RPH3AL: variants seen among roughly 807,000 people sequenced by gnomAD.
RPH3AL encodes rabphilin 3A like (without C2 domains), also known as rab effector Noc2.
In RPH3AL, 38 loss-of-function variants were observed where a neutral mutation model predicts 43.1. That is an observed-to-expected ratio of 0.88 (90% CI 0.68 to 1.15). The LOEUF (loss-of-function observed/expected upper bound fraction) is 1.15. RPH3AL is among the 50% of genes most tolerant of loss of function. RPH3AL has a pLI of 0.00. For missense variants in RPH3AL, 462 were observed against 423.2 expected (o/e 1.09, Z -0.81); for synonymous variants, 189 against 176.3 (o/e 1.07, Z -0.57).
intron 1 of RPH3AL, among the ~76,000 whole-genome samples, chr17:343,710 G>A (rs182825179): frequency 8.5e-5 from 13 of 152,256 alleles, no homozygotes; most frequent in South Asian, 2.1e-4. Context: ...ACATAGTTGC[G>A]GGTGCTATTG....
At chr17:221,935 GCACA>G (rs2040996760) in intron 7 of RPH3AL, among the ~76,000 whole-genome samples, 1 of 111,288 alleles carries the variant, frequency 9.0e-6, no homozygotes, top group African/African-American at 3.6e-5. Flanking sequence ...GTAGACCCAA[GCACA>G]TCAGCTCTGA....
chr17:272,825 T>G (rs1489355664), intron 6 of RPH3AL, among the ~76,000 whole-genome samples: 1 of 150,880 alleles, frequency 6.6e-6, no homozygotes. Context: ...GTGAAGCCAC[T>G]TTTCTTTTTT....
At chr17:238,031 T>C (rs2041441668) in intron 7 of RPH3AL, among the ~76,000 whole-genome samples, 1 of 151,926 alleles carries the variant, frequency 6.6e-6, no homozygotes, top group Admixed American at 6.6e-5. Context: ...GCCAGCTACT[T>C]GGGAGGCAGA....
chr17:243,650 C>CCCTTCCTCTATTGACTA (rs71143487), intron 7 of RPH3AL, among the ~76,000 whole-genome samples: 14,152 of 66,322 alleles, frequency 0.21, 1,135 homozygotes, highest in East Asian at 0.29. Context: ...CTATTGATTA[C>CCCTTCCTCTATTGACTA]CCTTCCTCTA....
At chr17:312,067 G>A (rs972918551) in intron 5 of RPH3AL, among the ~76,000 whole-genome samples, 3 of 152,176 alleles carry the variant, frequency 2.0e-5, no homozygotes, top group Non-Finnish European at 4.4e-5. Flanking sequence ...GCTTTGGGAA[G>A]CGGAGGTGGG....
At chr17:286,332 C>T (rs1028753562) in intron 5 of RPH3AL, among the ~76,000 whole-genome samples, 7 of 152,142 alleles carry the variant, frequency 4.6e-5, no homozygotes, top group East Asian at 3.9e-4. Context: ...CTCCCCAGAT[C>T]GCGCCTCGGG....
intron 9 of RPH3AL, chr17:214,843 G>C (rs895473066): frequency 1.1e-4 from 16 of 152,378 alleles, no homozygotes; most frequent in African/African-American, 3.9e-4. Flanking sequence ...TGGGTGGCAG[G>C]GCTGGGACAA....
rs375417675 is a variant in RPH3AL at position 278,202 on chromosome 17, C to T, written c.438+3566G>A. On this transcript the variant is annotated intron_variant, in intron 6 of 9. Transcript: ENST00000331302. ...TTCTCGTGATAGTGAATGAGTCTCA[C>T]GAGATCTGATGGTTTTATAAGAAGA... Among the ~76,000 whole-genome samples the T allele has an allele frequency of 4.6e-5, 7 of 152,230 alleles. No homozygotes were observed. In the South Asian group the frequency reaches 8.3e-4, roughly 18 times the overall value.
In RPH3AL at chr17:235,944, C is replaced by G. The variant is rs189603018; in HGVS notation, c.613+11167G>C. Among the ~76,000 whole-genome samples, 874 of 116,532 alleles carry G rather than the reference C, an allele frequency of 7.5e-3. 19 individuals are homozygous for G. Among genetic ancestry groups the G allele is most frequent in the African/African-American group, 0.013 (466 of 35,396 alleles). 76.4% of individuals were successfully genotyped at this position (116,532 alleles called of 152,430 possible). A position where few individuals can be genotyped will look rare whatever the true frequency, so the allele number is the denominator to read the frequency against. On this transcript the variant is annotated intron_variant, in intron 7 of 9. Coordinates refer to ENST00000331302, the MANE Select transcript of RPH3AL (RefSeq NM_006987.4). ...CGGCCGAGGCTCCGCACTAACAAGA[C>G]AGATCCAGGGTTCAAAGCTGGGGTC... is the stretch of plus-strand genomic sequence containing the variant.
intron 7 of RPH3AL, among the ~76,000 whole-genome samples, chr17:229,999 C>T (rs1285674681): frequency 2.0e-5 from 3 of 152,252 alleles, no homozygotes; most frequent in African/African-American, 7.2e-5. Context: ...CTGACCACCC[C>T]TGACAGCCAC....
At chr17:278,139 G>A (rs1341066700) in intron 6 of RPH3AL, among the ~76,000 whole-genome samples, 1 of 152,140 alleles carries the variant, frequency 6.6e-6, no homozygotes, top group Non-Finnish European at 1.5e-5. Flanking sequence ...GACCCAGTGG[G>A]AGGTAATTGA....
At chr17:276,866 T>A (rs2042668222) in intron 6 of RPH3AL, among the ~76,000 whole-genome samples, 1 of 152,230 alleles carries the variant, frequency 6.6e-6, no homozygotes, top group African/African-American at 2.4e-5. Context: ...CACAGAATTT[T>A]GAGTGGGAAA....
At chr17:275,977 G>A (rs1014250941) in intron 6 of RPH3AL, among the ~76,000 whole-genome samples, 9 of 152,210 alleles carry the variant, frequency 5.9e-5, no homozygotes, top group African/African-American at 2.2e-4. Flanking sequence ...CCAGAGCTGG[G>A]AAATGGAGCT....
chr17:316,400 G>T (rs1441359581), intron 5 of RPH3AL, among the ~76,000 whole-genome samples: 2 of 145,260 alleles, frequency 1.4e-5, no homozygotes, highest in Admixed American at 1.4e-4. Flanking sequence ...CACCTCCATT[G>T]TCCTGTAGTC....
rs1045742030 is a variant in RPH3AL, at chr17:225,025, A to G, written c.614-5289T>C. Among the ~76,000 whole-genome samples, 5 of 151,732 alleles carry G rather than the reference A, an allele frequency of 3.3e-5. No homozygotes were observed. Among genetic ancestry groups the G allele is most frequent in the African/African-American group, 4.8e-5 (2 of 41,292 alleles). On this transcript the variant is annotated intron_variant, in intron 7 of 9. Coordinates refer to ENST00000331302, the MANE Select transcript of RPH3AL (RefSeq NM_006987.4). This position sits in a 1 kb window ranked among gnomAD's most constrained non-coding sequence, Gnocchi z 4.4. ...ATATACCTAATGTAAATGACGAGTTAATGGGTGCAGCACACCAACACGGCA... is the reference window on the plus strand; with the variant it reads ...ATATACCTAATGTAAATGACGAGTTGATGGGTGCAGCACACCAACACGGCA...
Position 246,567 on chromosome 17 carries a change from C to T in RPH3AL, c.613+544G>A, listed in dbSNP as rs143265973. Among the ~76,000 whole-genome samples the T allele has an allele frequency of 1.3e-5, 2 of 152,246 alleles. No individual in the cohort carries two copies. Among genetic ancestry groups the T allele is most frequent in the African/African-American group, 4.8e-5 (2 of 41,534 alleles). On this transcript the variant is annotated intron_variant, in intron 7 of 9. Coordinates refer to ENST00000331302, the MANE Select transcript of RPH3AL (RefSeq NM_006987.4). This position sits in a 1 kb window ranked among gnomAD's most constrained non-coding sequence, Gnocchi z 4.8. ...ATCATGAAAGCTGCGGAGAACGGTC[C>T]ACAACCAGGCGCCCCCATCGTTGCC...
At position 225,296 on chromosome 17, in the gene RPH3AL, C is replaced by T. The variant is rs1489938096; in HGVS notation, c.614-5560G>A. ...ATGGGGCATGGCTGTGGTCCGTGTG[C>T]CCTCTTCGTAGTACTTGAGAAATGC... On this transcript the variant is annotated intron_variant, in intron 7 of 9. Transcript: ENST00000331302. This position sits in a 1 kb window ranked among gnomAD's most constrained non-coding sequence, Gnocchi z 4.4. 6.6e-6 allele frequency among the ~76,000 whole-genome samples: 1 copy of T among 152,048 alleles called. No homozygotes were observed. Among genetic ancestry groups the T allele is most frequent in the African/African-American group, 2.4e-5 (1 of 41,374 alleles).
At chr17:243,634 C>T (rs1212636452) in intron 7 of RPH3AL, among the ~76,000 whole-genome samples, 5 of 145,704 alleles carry the variant, frequency 3.4e-5, no homozygotes, top group South Asian at 2.2e-4. Flanking sequence ...ATTGATTACC[C>T]TTCCTCTATT....
At chr17:301,346 T>C (rs67042053) in intron 5 of RPH3AL, among the ~76,000 whole-genome samples, 21,718 of 152,226 alleles carry the variant, frequency 0.14, 1,692 homozygotes, top group African/African-American at 0.2. Flanking sequence ...CGCTGTCACC[T>C]AGGCTAGAGT....
Sources: allele counts gnomAD v4.1 joint callset (sites outside exome capture counted in the v4.1 genomes callset), GRCh38; gene constraint gnomAD v4.1.1; non-coding constraint Gnocchi (gnomAD v3.1); transcripts MANE v1.5; gene names NCBI Gene and HGNC (gene_info 2026-07-23, HGNC 2026-07-21).